The following CTNNA3 variants were observed in gnomAD, a reference collection of about 807,000 sequenced individuals.
The protein encoded by CTNNA3 is catenin alpha 3.
A neutral mutation model predicts 95.7 loss-of-function variants in CTNNA3; 76 were observed. The ratio of observed to expected loss-of-function variants is 0.79; its 90% confidence interval spans 0.66 to 0.96. CTNNA3 has a LOEUF of 0.96. Among genes scored for constraint, CTNNA3 ranks in the 40% least tolerant of loss-of-function variants. The pLI is 0.00. For missense variants in CTNNA3, 1,191 were observed against 1,089.8 expected (o/e 1.09, Z -1.31); for synonymous variants, 431 against 374.4 (o/e 1.15, Z -1.74).
At chr10:66,660,206 GTGACTGCTCAT>G (rs1337288164) in intron 9 of CTNNA3, among the ~76,000 whole-genome samples, 6 of 152,208 alleles carry the variant, frequency 3.9e-5, no homozygotes, top group African/African-American at 1.4e-4. Context: ...CATACAACTG[GTGACTGCTCAT>G]TGACTAAAAG....
At chr10:65,933,597 G>A (rs1307263681) in intron 17 of CTNNA3, among the ~76,000 whole-genome samples, 2 of 152,086 alleles carry the variant, frequency 1.3e-5, no homozygotes, top group African/African-American at 2.4e-5. Flanking sequence ...TAGAGATTAG[G>A]ACTAAACAGA....
chr10:67,602,197 A>AG (rs1843104218), intron 3 of CTNNA3, among the ~76,000 whole-genome samples: 1 of 151,840 alleles, frequency 6.6e-6, no homozygotes, highest in African/African-American at 2.4e-5. Context: ...ACCTTTAAAA[A>AG]AAAAAAAACT....
chr10:66,012,377 C>G (rs114471278), intron 15 of CTNNA3, among the ~76,000 whole-genome samples: 1,916 of 152,106 alleles, frequency 0.013, 32 homozygotes, highest in African/African-American at 0.044. Flanking sequence ...AAGTTATGTA[C>G]TAACAGTAAG....
At chr10:66,093,280 G>C (rs759411644) in intron 14 of CTNNA3, among the ~76,000 whole-genome samples, 127 of 152,128 alleles carry the variant, frequency 8.3e-4, no homozygotes, top group Middle Eastern at 3.4e-3. Context: ...AACTGCTCAA[G>C]TACACTACTT....
intron 7 of CTNNA3, among the ~76,000 whole-genome samples, chr10:66,886,637 A>T (rs1169792350): frequency 6.6e-6 from 1 of 152,184 alleles, no homozygotes; most frequent in Non-Finnish European, 1.5e-5. Flanking sequence ...TCAGCCAATC[A>T]ATAGCCTTAA....
In CTNNA3 at chr10:66,041,511, T is replaced by G. The variant is rs1163293285; in HGVS notation, c.2159+27797A>C. Among the ~76,000 whole-genome samples the G allele has an allele frequency of 3.3e-5, 5 of 152,236 alleles. No homozygotes were observed. In the East Asian group the frequency reaches 9.6e-4, roughly 29 times the overall value. On this transcript the variant is annotated intron_variant, in intron 15 of 17. Transcript: ENST00000433211. ...AATGTGTAGATGAGTGCTCTCTGCA[T>G]GTTTTTTCTAACTCTTCTGTAAGTC...
At chr10:66,687,363 C>A (rs1239771540) in intron 9 of CTNNA3, among the ~76,000 whole-genome samples, 1 of 152,036 alleles carries the variant, frequency 6.6e-6, no homozygotes, top group Non-Finnish European at 1.5e-5. Context: ...CCTCCCATTT[C>A]TTCTCAGCGA....
intron 2 of CTNNA3, among the ~76,000 whole-genome samples, chr10:67,626,482 A>C (rs1338249485): frequency 2.6e-5 from 4 of 152,218 alleles, no homozygotes; most frequent in Non-Finnish European, 5.9e-5. Context: ...AAAAAACTGA[A>C]GTTCAGATAA....
At chr10:66,857,097 G>C (rs1327695973) in intron 7 of CTNNA3, among the ~76,000 whole-genome samples, 1 of 152,060 alleles carries the variant, frequency 6.6e-6, no homozygotes, top group Non-Finnish European at 1.5e-5. Flanking sequence ...TATAAGGAAA[G>C]GGTCCAGTTT....
At chr10:66,766,502 A>C in intron 8 of CTNNA3, 86 bp from the exon 9 acceptor site, 2 of 1,199,588 alleles carry the variant, frequency 1.7e-6, no homozygotes, top group Admixed American at 2.3e-5. Context: ...GTAGTTACAC[A>C]ACTCATTTTT....
At chr10:67,364,303 C>T (rs1473207673) in intron 5 of CTNNA3, among the ~76,000 whole-genome samples, 2 of 152,076 alleles carry the variant, frequency 1.3e-5, no homozygotes, top group Non-Finnish European at 2.9e-5. Context: ...TCTCAATAAA[C>T]TAGGTATTGA....
chr10:66,755,433 A>G (rs1839324774), intron 9 of CTNNA3, among the ~76,000 whole-genome samples: 1 of 152,170 alleles, frequency 6.6e-6, no homozygotes, highest in South Asian at 2.1e-4. Flanking sequence ...ATTGTATAAA[A>G]CATGACTTAT....
chr10:67,443,975 A>G (rs1334008191), intron 5 of CTNNA3, among the ~76,000 whole-genome samples: 1 of 152,226 alleles, frequency 6.6e-6, no homozygotes, highest in African/African-American at 2.4e-5. Flanking sequence ...CTTTCATTTC[A>G]GAATTGGACA....
intron 13 of CTNNA3, among the ~76,000 whole-genome samples, chr10:66,116,047 T>G (rs1317599738): frequency 2.6e-5 from 4 of 152,154 alleles, no homozygotes; most frequent in Admixed American, 2.6e-4. Context: ...AAAACTAGAA[T>G]GCGACAAAAC....
At chr10:66,097,377 T>C (rs1295234354) in intron 14 of CTNNA3, among the ~76,000 whole-genome samples, 1 of 152,174 alleles carries the variant, frequency 6.6e-6, no homozygotes, top group African/African-American at 2.4e-5. Context: ...TTTATAAAAA[T>C]CAAAATTTAT....
intron 2 of CTNNA3, among the ~76,000 whole-genome samples, chr10:67,617,789 A>G (rs529321663): frequency 2.1e-5 from 3 of 145,348 alleles, no homozygotes; most frequent in Non-Finnish European, 4.5e-5. Flanking sequence ...TTTACTTTTT[A>G]ATAATAGCTA....
intron 7 of CTNNA3, among the ~76,000 whole-genome samples, chr10:67,013,993 C>G (rs1293811568): frequency 6.6e-6 from 1 of 151,948 alleles, no homozygotes; most frequent in Admixed American, 6.6e-5. Context: ...TATAAACACT[C>G]CAGAGAATTT....
intron 13 of CTNNA3, among the ~76,000 whole-genome samples, chr10:66,135,911 T>A (rs2083319890): frequency 6.6e-6 from 1 of 151,970 alleles, no homozygotes; most frequent in Non-Finnish European, 1.5e-5. Flanking sequence ...CAATTTTTTT[T>A]TTTTTTTTGA....
At chr10:66,837,993 G>T (rs1018557773) in intron 7 of CTNNA3, among the ~76,000 whole-genome samples, 38 of 151,948 alleles carry the variant, frequency 2.5e-4, no homozygotes, top group African/African-American at 8.9e-4. Flanking sequence ...GACGGTACAG[G>T]TCTAAATCTG....
Sources: gnomAD v4.1 joint callset for allele counts (sites outside exome capture counted in the v4.1 genomes callset) on GRCh38, gnomAD v4.1.1 for gene constraint, MANE v1.5 for transcripts, NCBI Gene and HGNC (gene_info 2026-07-23, HGNC 2026-07-21) for gene names.